CYP26B1: variants seen among roughly 807,000 people sequenced by gnomAD.
CYP26B1 encodes the protein cytochrome P450 family 26 subfamily B member 1.
In CYP26B1, 8 loss-of-function variants were observed where a neutral mutation model predicts 39.1. The observed-to-expected ratio is 0.20, with a 90% confidence interval of 0.12 to 0.37. The LOEUF (loss-of-function observed/expected upper bound fraction) is 0.37, where lower values mean the gene tolerates loss of function less well. Ranked by LOEUF, CYP26B1 falls within the 10% of genes least tolerant of loss-of-function variation. The pLI is 1.00. For missense variants in CYP26B1, 615 were observed against 707.0 expected, an observed-to-expected ratio of 0.87 and a Z score of 1.48; for synonymous variants, 321 against 314.3, an observed-to-expected ratio of 1.02 and a Z score of -0.23.
intron 5 of CYP26B1, 26 bp from the exon 6 acceptor site, chr2:72,132,645 T>G: frequency 6.3e-7 from 1 of 1,576,060 alleles, no homozygotes; most frequent in East Asian, 2.3e-5. Context: ...GGCCGAGGAG[T>G]GGGTGGTGAG....
chr2:72,145,030 G>A (rs62150091), intron 1 of CYP26B1, among the ~76,000 whole-genome samples: 1 of 152,166 alleles, frequency 6.6e-6, no homozygotes, highest in Non-Finnish European at 1.5e-5. Context: ...GCGGGGGCAA[G>A]GGCGTCCCGC....
chr2:72,143,915 T>A, intron 2 of CYP26B1, 74 bp downstream of exon 2: 1 of 1,550,298 alleles, frequency 6.5e-7, no homozygotes, highest in Non-Finnish European at 8.8e-7. Context: ...TAGGGGACAT[T>A]CCCCGGGCTC....
chr2:72,137,483 C>T (rs1676810642), intron 2 of CYP26B1, among the ~76,000 whole-genome samples: 1 of 152,176 alleles, frequency 6.6e-6, no homozygotes, highest in Admixed American at 6.5e-5. Flanking sequence ...ATGCTCGAAT[C>T]CCCTGGGGAG....
chr2:72,137,283 G>A (rs1676805411), intron 2 of CYP26B1, among the ~76,000 whole-genome samples: 1 of 152,166 alleles, frequency 6.6e-6, no homozygotes, highest in African/African-American at 2.4e-5. Flanking sequence ...TTGTAACTGT[G>A]CATCATCCAG....
rs982254144 is a variant in CYP26B1 at position 72,147,213 on chromosome 2, C to T, written c.204+418G>A. 1.3e-5 allele frequency among the ~76,000 whole-genome samples: 2 copies of T among 152,176 alleles called. 1 individual carries two copies. The highest frequency in any genetic ancestry group is 4.1e-4 in the South Asian group (2 of 4,824). On this transcript the variant is annotated intron_variant, in intron 1 of 5. Transcript: ENST00000001146. This position sits in a 1 kb window ranked among gnomAD's most constrained non-coding sequence, Gnocchi z 6.1. Reference sequence around the variant, plus strand: ...TCCCGACTCAATTTTCGGCTCCCAGCGACACAGCCAACCCCAGAAAGCCGA... The same window carrying T: ...TCCCGACTCAATTTTCGGCTCCCAGTGACACAGCCAACCCCAGAAAGCCGA...
At chr2:72,146,814 C>A (rs1299080329) in intron 1 of CYP26B1, among the ~76,000 whole-genome samples, 1 of 152,206 alleles carries the variant, frequency 6.6e-6, no homozygotes, top group African/African-American at 2.4e-5. Flanking sequence ...GAGGTGAACT[C>A]CAGGTTAATC....
intron 2 of CYP26B1, among the ~76,000 whole-genome samples, chr2:72,143,371 C>CGCGG (rs1553457931): frequency 7.0e-6 from 1 of 143,394 alleles, no homozygotes; most frequent in African/African-American, 2.8e-5. Context: ...CTTCCTCTTT[C>CGCGG]GGGGGGGGGT....
intron 2 of CYP26B1, among the ~76,000 whole-genome samples, chr2:72,138,258 G>A (rs536629665): frequency 1.9e-4 from 29 of 152,302 alleles, no homozygotes; most frequent in African/African-American, 6.7e-4. Flanking sequence ...CTGTGCCCGG[G>A]GGGTAACAAC....
rs1421504300 is a variant in CYP26B1, at chr2:72,129,892, A to G, written c.*2335T>C. ...ACTAGAGAGCTGAAAGGAGGGACCAATTACAACACAGGGATCCTGTCAGCC... is the reference window on the plus strand; with the variant it reads ...ACTAGAGAGCTGAAAGGAGGGACCAGTTACAACACAGGGATCCTGTCAGCC... On this transcript the variant is annotated 3_prime_UTR_variant, in exon 6 of 6. Coordinates refer to ENST00000001146, the MANE Select transcript of CYP26B1 (RefSeq NM_019885.4). The G allele has an allele frequency of 6.6e-6, 1 of 152,238 alleles. No homozygotes were observed. Among genetic ancestry groups the G allele is most frequent in the African/African-American group, 2.4e-5 (1 of 41,434 alleles). The allele number at this position is 152,238 out of a possible 1,614,324, so 9.4% of individuals were successfully genotyped here. A position where few individuals can be genotyped will look rare whatever the true frequency, so the allele number is the denominator to read the frequency against.
In CYP26B1 at chr2:72,132,594, C is replaced by T. The variant is rs749134025; in HGVS notation, c.1172G>A (p.Ser391Asn). Reference protein sequence around the residue: ...LDGFQIPKGWSVMYSIRDTHD... With the variant: ...LDGFQIPKGWNVMYSIRDTHD... The stretch of plus-strand genomic sequence containing the variant: ...GGTGTCCCGGATGCTATACATGACA[C>T]TCCAGCCTTTGGGGATCTGGAAACC... Residue 391 changes from serine (S) to asparagine (N), a missense_variant, in exon 6 of 6, where the codon AGT (serine) becomes AAT (asparagine). Coordinates refer to ENST00000001146, the MANE Select transcript of CYP26B1 (RefSeq NM_019885.4). The T allele has an allele frequency of 3.1e-6, 5 of 1,611,022 alleles. No individual in the cohort carries two copies. In the South Asian group the frequency reaches 3.3e-5, roughly 11 times the overall value.
At chr2:72,143,247 C>T (rs1484718982) in intron 2 of CYP26B1, among the ~76,000 whole-genome samples, 2 of 152,362 alleles carry the variant, frequency 1.3e-5, no homozygotes, top group East Asian at 1.9e-4. Context: ...CAGCACGTGC[C>T]GCCAGCGCTG....
At chr2:72,144,935 G>GCGGGGC (rs897532319) in intron 1 of CYP26B1, among the ~76,000 whole-genome samples, 3 of 152,214 alleles carry the variant, frequency 2.0e-5, no homozygotes, top group Non-Finnish European at 4.4e-5. Context: ...GCCGAGGATG[G>GCGGGGC]CGGGGCCGGG....
At chr2:72,133,650 G>T (rs1676667018) in intron 4 of CYP26B1, among the ~76,000 whole-genome samples, 1 of 152,246 alleles carries the variant, frequency 6.6e-6, no homozygotes, top group South Asian at 2.1e-4. Flanking sequence ...AGGAGAAAAA[G>T]AACAAATCCC....
At chr2:72,146,328 G>T (rs958861138) in intron 1 of CYP26B1, among the ~76,000 whole-genome samples, 2 of 150,498 alleles carry the variant, frequency 1.3e-5, no homozygotes, top group African/African-American at 4.9e-5. Flanking sequence ...AAGTGTGGTG[G>T]CGAGGGAAAG....
At chr2:72,135,702 G>C (rs1676752374) in intron 2 of CYP26B1, among the ~76,000 whole-genome samples, 1 of 152,212 alleles carries the variant, frequency 6.6e-6, no homozygotes, top group South Asian at 2.1e-4. Context: ...CCCTGGAGAA[G>C]TGGAGCACAG....
rs769295445 is a variant in CYP26B1 at position 72,132,409 on chromosome 2, C to A, written c.1357G>T (p.Val453Leu). ...GKHLAKLFLK[V>L]LAVELASTSR... ...GTGCTAGCCAGCTCCACCGCCAGCA[C>A]CTTCAGGAACAGCTTGGCCAGGTGC... Residue 453 changes from valine to leucine, a missense_variant, in exon 6 of 6, where the codon GTG becomes TTG. Coordinates refer to ENST00000001146, the MANE Select transcript of CYP26B1 (RefSeq NM_019885.4). The A allele has an allele frequency of 1.2e-6, 2 of 1,612,256 alleles. No individual in the cohort carries two copies. The highest frequency in any genetic ancestry group is 3.3e-5 in the Admixed American group (2 of 59,930).
In CYP26B1 at chr2:72,137,020, G is replaced by A. The variant is rs112977623; in HGVS notation, c.430-1601C>T. On this transcript the variant is annotated intron_variant, in intron 2 of 5. Coordinates refer to ENST00000001146, the MANE Select transcript of CYP26B1 (RefSeq NM_019885.4). The stretch of plus-strand genomic sequence containing the variant: ...TCTGCGGCTACCAGGCCTCCATGGC[G>A]GGACAGGGATGCCAGAGGTGGGACA... Among the ~76,000 whole-genome samples the A allele has an allele frequency of 8.0e-3, 1,214 of 152,276 alleles. 18 individuals are homozygous for A. The highest frequency in any genetic ancestry group is 0.027 in the African/African-American group (1,119 of 41,552).
At position 72,147,122 on chromosome 2, in the gene CYP26B1, C is replaced by T. The variant is rs1165266396; in HGVS notation, c.204+509G>A. On this transcript the variant is annotated intron_variant, in intron 1 of 5. Coordinates refer to ENST00000001146, the MANE Select transcript of CYP26B1 (RefSeq NM_019885.4). This position sits in a 1 kb window ranked among gnomAD's most constrained non-coding sequence, Gnocchi z 6.1. ...CGGACCAGGGACACTGTACCTGGCG[C>T]TGCCGACGGCGCCGCAGGAACACAG... Among the ~76,000 whole-genome samples, 2 of 152,226 alleles carry T rather than the reference C, an allele frequency of 1.3e-5. No homozygotes were observed. The highest frequency in any genetic ancestry group is 3.9e-4 in the East Asian group (2 of 5,178).
chr2:72,132,524 G>A lies in CYP26B1; in HGVS notation c.1242C>T (p.Pro414=), dbSNP rs150438812. 1.7e-5 allele frequency: 27 copies of A among 1,610,252 alleles called. No individual in the cohort carries two copies. Among genetic ancestry groups the A allele is most frequent in the African/African-American group, 8.0e-5 (6 of 74,992 alleles). ...PVFKDVNVFD[P]DRFSQARSED... ...CGCTCCGCGCCTGGCTGAAGCGATC[G>A]GGGTCGAACACGTTCACGTCTTTGA... The change falls in exon 6 of 6, where the codon CCC becomes CCT. Residue 414 remains proline, a synonymous_variant. Coordinates refer to ENST00000001146, the MANE Select transcript of CYP26B1 (RefSeq NM_019885.4).
Sources: gnomAD v4.1 joint callset for allele counts (sites outside exome capture counted in the v4.1 genomes callset) on GRCh38, gnomAD v4.1.1 for gene constraint, Gnocchi (gnomAD v3.1) non-coding constraint, MANE v1.5 for transcripts, NCBI Gene and HGNC (gene_info 2026-07-23, HGNC 2026-07-21) for gene names.